CNTNAP5: variants seen among roughly 807,000 people sequenced by gnomAD.
The protein encoded by CNTNAP5 is contactin-associated protein-like 5.
A neutral mutation model predicts 150.2 loss-of-function variants in CNTNAP5; 72 were observed. That is an observed-to-expected ratio of 0.48 (90% confidence interval 0.40 to 0.58). The LOEUF (loss-of-function observed/expected upper bound fraction) is 0.58. Ranked by LOEUF, CNTNAP5 falls within the 20% of genes least tolerant of loss-of-function variation. The pLI is 0.00. For synonymous variants in CNTNAP5, 672 were observed against 619.8 expected, an observed-to-expected ratio of 1.08 and a Z score of -1.25; for missense variants, 1,636 against 1,626.2, an observed-to-expected ratio of 1.01 and a Z score of -0.10.
intron 13 of CNTNAP5, among the ~76,000 whole-genome samples, chr2:124,699,035 A>G (rs1408550879): frequency 1.3e-5 from 2 of 152,176 alleles, no homozygotes; most frequent in East Asian, 3.9e-4. Flanking sequence ...AGTGCAAATG[A>G]GCGATTTAAT....
At chr2:124,191,785 C>T (rs190711912) in intron 1 of CNTNAP5, among the ~76,000 whole-genome samples, 1 of 152,134 alleles carries the variant, frequency 6.6e-6, no homozygotes, top group African/African-American at 2.4e-5. Context: ...CATGGTGGCT[C>T]ACGCCTGTAA....
At chr2:124,572,472 A>G (rs886970995) in intron 11 of CNTNAP5, among the ~76,000 whole-genome samples, 2 of 152,200 alleles carry the variant, frequency 1.3e-5, no homozygotes, top group African/African-American at 2.4e-5. Context: ...ATAAAATTTA[A>G]AAAGGAAGAA....
At chr2:124,200,925 C>A (rs1324643993) in intron 1 of CNTNAP5, among the ~76,000 whole-genome samples, 1 of 152,136 alleles carries the variant, frequency 6.6e-6, no homozygotes, top group Non-Finnish European at 1.5e-5. Context: ...CATCTTCAGG[C>A]CAAATCACCT....
intron 10 of CNTNAP5, among the ~76,000 whole-genome samples, chr2:124,542,166 C>T (rs12466201): frequency 0.42 from 63,130 of 150,958 alleles, 13,684 homozygotes; most frequent in East Asian, 0.64. Context: ...ATTAAACACA[C>T]GAATCCAAGT....
chr2:124,732,813 C>A (rs547169172), intron 13 of CNTNAP5, among the ~76,000 whole-genome samples: 2 of 152,194 alleles, frequency 1.3e-5, no homozygotes, highest in Admixed American at 1.3e-4. Context: ...ATAGAAAATA[C>A]CGAGTTCCTT....
chr2:124,683,196 C>T (rs1267577235), intron 13 of CNTNAP5, among the ~76,000 whole-genome samples: 2 of 151,988 alleles, frequency 1.3e-5, no homozygotes, highest in African/African-American at 2.4e-5. Context: ...AGCCGTGTGC[C>T]CCACTCTCCC....
chr2:124,613,836 T>G (rs1025172849), intron 12 of CNTNAP5, among the ~76,000 whole-genome samples: 4 of 152,124 alleles, frequency 2.6e-5, no homozygotes, highest in Non-Finnish European at 5.9e-5. Context: ...GGAAATTAAC[T>G]TAAGGGAGAT....
intron 6 of CNTNAP5, among the ~76,000 whole-genome samples, chr2:124,466,565 T>A (rs1693382695): frequency 6.6e-6 from 1 of 152,164 alleles, no homozygotes; most frequent in South Asian, 2.1e-4. Context: ...GTGAATCGAA[T>A]TTGTACCAAA....
intron 3 of CNTNAP5, among the ~76,000 whole-genome samples, chr2:124,295,700 C>T (rs561177530): frequency 7.6e-4 from 65 of 85,650 alleles, no homozygotes; most frequent in African/African-American, 2.9e-3. Flanking sequence ...AGCCCCAAGA[C>T]CTGCTGTTTG....
Position 124,474,863 on chromosome 2 carries a change from A to G in CNTNAP5, c.1043A>G (p.Lys348Arg). ...ATAATTGACCTGGCTAAGAGACGAA[A>G]GCATCAGATCTATACTGTGGTAAGT... The part of the protein sequence containing the change: ...VNIIDLAKRR[K>R]HQIYTVGNVT... The change falls in exon 7 of 24, where the codon AAG becomes AGG. Residue 348 changes from lysine (K) to arginine (R), a missense_variant. Physicochemically the swap from Lys to Arg is conservative, Grantham distance 26. Coordinates refer to ENST00000682447, the MANE Select transcript of CNTNAP5 (RefSeq NM_001367498.1). 1.2e-6 allele frequency: 2 copies of G among 1,606,822 alleles called. No individual in the cohort carries two copies. Among genetic ancestry groups the G allele is most frequent in the East Asian group, 2.2e-5 (1 of 44,646 alleles).
intron 4 of CNTNAP5, among the ~76,000 whole-genome samples, chr2:124,422,419 A>G (rs1692127803): frequency 6.6e-6 from 1 of 152,176 alleles, no homozygotes; most frequent in African/African-American, 2.4e-5. Flanking sequence ...ACATCAGAAA[A>G]TAAGACCTTT....
intron 1 of CNTNAP5, among the ~76,000 whole-genome samples, chr2:124,043,834 G>C (rs1681456346): frequency 6.6e-6 from 1 of 152,124 alleles, no homozygotes; most frequent in African/African-American, 2.4e-5. Flanking sequence ...CACTTACTTG[G>C]CCCTCAACTA....
chr2:124,312,630 G>A (rs1354038132), intron 3 of CNTNAP5, among the ~76,000 whole-genome samples: 1 of 152,180 alleles, frequency 6.6e-6, no homozygotes, highest in Non-Finnish European at 1.5e-5. Context: ...GACTGCAGTG[G>A]CACTACCTCG....
intron 3 of CNTNAP5, among the ~76,000 whole-genome samples, chr2:124,386,266 T>C (rs772627188): frequency 7.9e-5 from 12 of 152,354 alleles, no homozygotes; most frequent in Admixed American, 2.0e-4. Flanking sequence ...AAAGAGATAC[T>C]ATTCATGCCC....
chr2:124,692,868 G>A (rs1337920057), intron 13 of CNTNAP5, among the ~76,000 whole-genome samples: 2 of 152,090 alleles, frequency 1.3e-5, no homozygotes, highest in African/African-American at 2.4e-5. Flanking sequence ...GGTCTCTGGG[G>A]GAAGGTCCTG....
At chr2:124,395,944 G>A (rs2104753294) in intron 3 of CNTNAP5, among the ~76,000 whole-genome samples, 1 of 152,274 alleles carries the variant, frequency 6.6e-6, no homozygotes, top group African/African-American at 2.4e-5. Context: ...CTTAGGCAAT[G>A]TGCCCCAGAG....
At chr2:124,098,849 T>C (rs946705115) in intron 1 of CNTNAP5, among the ~76,000 whole-genome samples, 1 of 152,224 alleles carries the variant, frequency 6.6e-6, no homozygotes, top group Admixed American at 6.5e-5. Context: ...GGAACTCCAC[T>C]GCAGTGATAT....
intron 13 of CNTNAP5, among the ~76,000 whole-genome samples, chr2:124,648,739 CAT>C (rs1187632154): frequency 6.6e-6 from 1 of 152,138 alleles, no homozygotes; most frequent in African/African-American, 2.4e-5. Context: ...TCAAAATTTA[CAT>C]GTTTCCTGGG....
At position 124,911,524 on chromosome 2, in the gene CNTNAP5, C is replaced by G; in HGVS notation, c.3713C>G (p.Ser1238Trp). The G allele has an allele frequency of 6.3e-7, 1 of 1,597,888 alleles. No homozygotes were observed. Among genetic ancestry groups the G allele is most frequent in the Non-Finnish European group, 8.5e-7 (1 of 1,171,274 alleles). The change falls in exon 23 of 24, where the codon TCG becomes TGG. Residue 1238 changes from serine (S) to tryptophan (W), a missense_variant. Coordinates refer to ENST00000682447, the MANE Select transcript of CNTNAP5 (RefSeq NM_001367498.1). Reference protein sequence around the residue: ...EPLTNAVRSDSAVIGGVIAVV... With the variant: ...EPLTNAVRSDWAVIGGVIAVV... ...CTCACAAATGCTGTTCGAAGTGATT[C>G]GGCAGTCATCGGAGGTAAACAATTC...
Sources: gnomAD v4.1 joint callset for allele counts (sites outside exome capture counted in the v4.1 genomes callset) on GRCh38, gnomAD v4.1.1 for gene constraint, MANE v1.5 for transcripts, NCBI Gene and HGNC (gene_info 2026-07-23, HGNC 2026-07-21) for gene names.